Variants in ROBO2 observed in about 807,000 individuals in gnomAD.
ROBO2 encodes roundabout guidance receptor 2.
Under a neutral mutation model 160.8 loss-of-function variants are expected in ROBO2, and 53 were observed. The observed-to-expected ratio is 0.33, with a 90% CI of 0.26 to 0.41. The LOEUF (loss-of-function observed/expected upper bound fraction) is 0.41, where lower values mean the gene tolerates loss of function less well. Ranked by LOEUF, ROBO2 falls within the 10% of genes least tolerant of loss-of-function variation. ROBO2 has a pLI of 1.00. For missense variants in ROBO2, 1,577 were observed against 1,722.4 expected, an observed-to-expected ratio of 0.92 and a Z score of 1.49; for synonymous variants, 664 against 611.7, an observed-to-expected ratio of 1.09 and a Z score of -1.26.
intron 2 of ROBO2, among the ~76,000 whole-genome samples, chr3:76,274,650 A>G (rs981251974): frequency 5.9e-5 from 9 of 152,160 alleles, no homozygotes; most frequent in African/African-American, 9.6e-5. Flanking sequence ...CAGTCTGGCC[A>G]GAATGGTGAA....
intron 2 of ROBO2, among the ~76,000 whole-genome samples, chr3:76,602,077 AG>A (rs2087194107): frequency 6.6e-6 from 1 of 152,194 alleles, no homozygotes; most frequent in African/African-American, 2.4e-5. Context: ...CCTTTGCTCC[AG>A]TTTCCAGCAG....
intron 2 of ROBO2, among the ~76,000 whole-genome samples, chr3:76,661,214 G>T (rs1039666287): frequency 3.9e-5 from 6 of 152,100 alleles, no homozygotes; most frequent in Admixed American, 2.0e-4. Flanking sequence ...TGCAGTTCCT[G>T]GAAGTTCCTG....
chr3:76,926,567 G>A (rs563815078), intron 2 of ROBO2, among the ~76,000 whole-genome samples: 46 of 152,276 alleles, frequency 3.0e-4, no homozygotes, highest in African/African-American at 1.0e-3. Context: ...ATATCCATGA[G>A]CAATTCACTT....
intron 2 of ROBO2, among the ~76,000 whole-genome samples, chr3:77,407,964 T>C (rs957720719): frequency 1.3e-5 from 2 of 152,192 alleles, no homozygotes; most frequent in African/African-American, 4.8e-5. Flanking sequence ...TTAGTATAAA[T>C]CTTTAGCTTT....
In ROBO2 at chr3:76,655,439, C is replaced by CATATAT. The variant is rs747521584; in HGVS notation, c.110-442564_110-442559dup. Among the ~76,000 whole-genome samples, 42 of 57,784 alleles carry CATATAT rather than the reference C, an allele frequency of 7.3e-4. 4 individuals are homozygous for CATATAT. Among genetic ancestry groups the CATATAT allele is most frequent in the East Asian group, 3.0e-3 (3 of 994 alleles). The allele number at this position is 57,784 out of a possible 152,430, so 37.9% of individuals were successfully genotyped here. A position where few individuals can be genotyped will look rare whatever the true frequency, so the allele number is the denominator to read the frequency against. ...GTGTTTCTGTGTATGGATTTTTTTCCATATATATATATATATGGATTTTTT... is the reference window on the plus strand; with the variant it reads ...GTGTTTCTGTGTATGGATTTTTTTCCATATATATATATATATATATATGGATTTTTT... On this transcript the variant is annotated intron_variant, in intron 2 of 26. Coordinates refer to the ROBO2 transcript ENST00000487694.
chr3:76,927,427 A>G (rs1341723305), intron 2 of ROBO2, among the ~76,000 whole-genome samples: 1 of 152,200 alleles, frequency 6.6e-6, no homozygotes, highest in Non-Finnish European at 1.5e-5. Context: ...ATTTTTCACT[A>G]TTCCAAAGAG....
chr3:76,814,818 A>C (rs985996438), intron 2 of ROBO2, among the ~76,000 whole-genome samples: 1 of 152,188 alleles, frequency 6.6e-6, no homozygotes, highest in Middle Eastern at 3.4e-3. Flanking sequence ...ATGTAAGAAT[A>C]ATTTCTGGAA....
intron 2 of ROBO2, among the ~76,000 whole-genome samples, chr3:76,632,420 A>T (rs2090083826): frequency 6.6e-6 from 1 of 152,188 alleles, no homozygotes; most frequent in Admixed American, 6.5e-5. Flanking sequence ...TAATGCATTT[A>T]TCTGGCATTA....
chr3:76,238,483 A>G (rs1705088488), intron 2 of ROBO2, among the ~76,000 whole-genome samples: 1 of 151,920 alleles, frequency 6.6e-6, no homozygotes, highest in African/African-American at 2.4e-5. Context: ...CCCCCTAGAC[A>G]CAAGGGGATT....
intron 1 of ROBO2, among the ~76,000 whole-genome samples, chr3:77,041,742 C>T (rs757869437): frequency 6.6e-6 from 1 of 152,012 alleles, no homozygotes; most frequent in Non-Finnish European, 1.5e-5. Context: ...TTGCTGTTAA[C>T]CTTCTAGAGG....
intron 2 of ROBO2, among the ~76,000 whole-genome samples, chr3:77,109,333 A>G (rs2073266378): frequency 6.6e-6 from 1 of 152,182 alleles, no homozygotes. Context: ...ACTGAACTGT[A>G]CACTTAAAAA....
chr3:76,898,934 G>A (rs192307581), intron 2 of ROBO2, among the ~76,000 whole-genome samples: 6 of 152,252 alleles, frequency 3.9e-5, no homozygotes, highest in Non-Finnish European at 8.8e-5. Flanking sequence ...GATCAGGAAC[G>A]TGGACATTCA....
intron 2 of ROBO2, among the ~76,000 whole-genome samples, chr3:76,075,062 A>G (rs113869119): frequency 2.0e-4 from 30 of 152,258 alleles, no homozygotes; most frequent in East Asian, 5.8e-4. Flanking sequence ...TTTGTGAGAT[A>G]CGAGCTTGAT....
intron 2 of ROBO2, among the ~76,000 whole-genome samples, chr3:76,210,011 T>C (rs936931263): frequency 2.0e-5 from 3 of 152,084 alleles, no homozygotes; most frequent in African/African-American, 7.2e-5. Flanking sequence ...CTTGAGTTGA[T>C]TGGACACTCT....
chr3:76,356,458 A>G (rs1355335564), intron 2 of ROBO2, among the ~76,000 whole-genome samples: 1 of 151,660 alleles, frequency 6.6e-6, no homozygotes, highest in Non-Finnish European at 1.5e-5. Context: ...ACAGAGGAGA[A>G]AGTAAGGGTA....
chr3:77,566,619 AC>A (rs1303272321), intron 12 of ROBO2, among the ~76,000 whole-genome samples: 8 of 152,054 alleles, frequency 5.3e-5, no homozygotes, highest in Non-Finnish European at 1.0e-4. Flanking sequence ...TATCTGGCAG[AC>A]CTTTTTGATC....
intron 2 of ROBO2, among the ~76,000 whole-genome samples, chr3:76,864,424 A>G (rs1385818061): frequency 1.3e-5 from 2 of 152,110 alleles, no homozygotes; most frequent in African/African-American, 4.8e-5. Context: ...TTCCACCGAC[A>G]TCACAGAACT....
chr3:77,493,216 T>C (rs745379307), intron 4 of ROBO2, 28 bp from the exon 5 acceptor site: 203 of 1,611,818 alleles, frequency 1.3e-4, no homozygotes, highest in Non-Finnish European at 1.6e-4. Context: ...TTATCTCATT[T>C]TACCATTGTT....
At position 76,954,197 on chromosome 3, in the gene ROBO2, G is replaced by A. The variant is rs1217509423; in HGVS notation, c.110-143817G>A. On this transcript the variant is annotated intron_variant, in intron 2 of 26. Coordinates refer to the ROBO2 transcript ENST00000487694. ...ATAAAACATAAACCCAGAGGCCTAA[G>A]CATAGGGAAGTGTACCTACCAATGT... Among the ~76,000 whole-genome samples the A allele has an allele frequency of 2.0e-5, 3 of 152,190 alleles. No homozygotes were observed. In the East Asian group the frequency reaches 5.8e-4, roughly 29 times the overall value.
Sources: gnomAD v4.1 joint callset for allele counts (sites outside exome capture counted in the v4.1 genomes callset) on GRCh38, gnomAD v4.1.1 for gene constraint, MANE v1.5 for transcripts, NCBI Gene and HGNC (gene_info 2026-07-23, HGNC 2026-07-21) for gene names.